LAMP1: variants seen among roughly 807,000 people sequenced by gnomAD.
The protein encoded by LAMP1 is lysosome-associated membrane glycoprotein 1.
A neutral mutation model predicts 37.5 loss-of-function variants in LAMP1; 7 were observed. The observed-to-expected ratio is 0.19, with a 90% confidence interval of 0.11 to 0.35. The LOEUF is 0.35. LAMP1 is among the 10% of genes least tolerant of loss of function. The pLI is 1.00. For missense variants in LAMP1, 537 were observed against 552.8 expected, an observed-to-expected ratio of 0.97 and a Z score of 0.29; for synonymous variants, 236 against 229.1, an observed-to-expected ratio of 1.03 and a Z score of -0.27.
chr13:113,321,037 T>C lies in LAMP1; in HGVS notation c.877-367T>C. ...TCTGCAAATAATAAAACGAGTTAGC[T>C]GGGCGTAGTGGCGCACACCTGTGGT... On this transcript the variant is annotated intron_variant, in intron 6 of 8. Transcript: ENST00000332556. The surrounding 1 kb of genome is among the most constrained non-coding windows in gnomAD (Gnocchi z 5.6). The C allele has an allele frequency of 3.4e-6, 1 of 293,148 alleles. No homozygotes were observed. Among genetic ancestry groups the C allele is most frequent in the East Asian group, 9.2e-5 (1 of 10,870 alleles). The allele number at this position is 293,148 out of a possible 1,614,324, so 18.2% of individuals were successfully genotyped here.
intron 1 of LAMP1, among the ~76,000 whole-genome samples, chr13:113,298,919 G>A (rs544621990): frequency 4.8e-4 from 73 of 152,350 alleles, no homozygotes; most frequent in Middle Eastern, 6.8e-3. Context: ...GAGGCAGATG[G>A]ATCATGGCGT....
chr13:113,305,273 A>C (rs562649106), intron 1 of LAMP1: 1 of 152,366 alleles, frequency 6.6e-6, no homozygotes, highest in South Asian at 2.1e-4. Flanking sequence ...GTGCTCACGC[A>C]GTGTGAGATC....
At chr13:113,316,215 G>A (rs766112416) in intron 4 of LAMP1, among the ~76,000 whole-genome samples, 12 of 152,312 alleles carry the variant, frequency 7.9e-5, no homozygotes, top group Middle Eastern at 3.4e-3. Context: ...TTCCAGCCCA[G>A]GCCCATATGG....
At chr13:113,302,665 C>T (rs2042580544) in intron 1 of LAMP1, among the ~76,000 whole-genome samples, 1 of 151,884 alleles carries the variant, frequency 6.6e-6, no homozygotes, top group African/African-American at 2.4e-5. Flanking sequence ...TAACCTCAAG[C>T]AGTCCTCCGC....
intron 4 of LAMP1, among the ~76,000 whole-genome samples, chr13:113,314,925 C>T: frequency 8.9e-6 from 1 of 112,482 alleles, no homozygotes; most frequent in Non-Finnish European, 1.8e-5. Context: ...TGCCCGTGTG[C>T]CTGGGGCATG....
At position 113,321,685 on chromosome 13, in the gene LAMP1, T is replaced by C. The variant is rs2042701315; in HGVS notation, c.1072T>C (p.Trp358Arg). Residue 358 changes from tryptophan to arginine, a missense_variant, in exon 8 of 9, where the codon TGG (tryptophan) becomes CGG (arginine). Coordinates refer to ENST00000332556, the MANE Select transcript of LAMP1 (RefSeq NM_005561.4). This position sits in a 1 kb window ranked among gnomAD's most constrained non-coding sequence, Gnocchi z 5.6. ...KAFSVNIFKV[W>R]VQAFKVEGGQ... The stretch of plus-strand genomic sequence containing the variant: ...GTTTTCAGTCAATATATTCAAAGTG[T>C]GGGTCCAGGCTTTCAAGGTGGAAGG... The C allele has an allele frequency of 1.2e-6, 2 of 1,614,154 alleles. No individual in the cohort carries two copies. Among genetic ancestry groups the C allele is most frequent in the Non-Finnish European group, 1.7e-6 (2 of 1,180,026 alleles).
intron 5 of LAMP1, 88 bp downstream of exon 5, chr13:113,319,744 C>A: frequency 8.0e-7 from 1 of 1,254,362 alleles, no homozygotes; most frequent in Non-Finnish European, 1.1e-6. Flanking sequence ...CGCGTCTCTG[C>A]ACGTCATGCT....
chr13:113,304,075 A>G (rs1195698214), intron 1 of LAMP1, among the ~76,000 whole-genome samples: 1 of 152,228 alleles, frequency 6.6e-6, no homozygotes, highest in Non-Finnish European at 1.5e-5. Context: ...AAAAATAAAA[A>G]TAAAAAAGCT....
intron 1 of LAMP1, among the ~76,000 whole-genome samples, chr13:113,301,312 T>C (rs1350766278): frequency 6.6e-6 from 1 of 151,788 alleles, no homozygotes; most frequent in East Asian, 1.9e-4. Context: ...CCAGTGTCTC[T>C]ACAAAAAAAA....
intron 1 of LAMP1, among the ~76,000 whole-genome samples, chr13:113,302,933 G>C (rs1368866110): frequency 6.6e-6 from 1 of 152,230 alleles, no homozygotes; most frequent in African/African-American, 2.4e-5. Flanking sequence ...ACTGGGATGT[G>C]CTTAGAGCAG....
In LAMP1 at chr13:113,310,870, A is replaced by G; in HGVS notation, c.562+3A>G. ...CAACAGCAGCTTCAGCCGGGGAGGT[A>G]GGACGCTGACCCTTGGCCCTCTGGT... On this transcript the variant is annotated splice_donor_region_variant and intron_variant, in intron 4 of 8. Transcript: ENST00000332556. 1 of 1,612,742 alleles carries G rather than the reference A, an allele frequency of 6.2e-7. No homozygotes were observed. The highest frequency in any genetic ancestry group is 8.5e-7 in the Non-Finnish European group (1 of 1,179,412).
At chr13:113,318,568 G>A (rs2042679208) in intron 4 of LAMP1, among the ~76,000 whole-genome samples, 1 of 152,158 alleles carries the variant, frequency 6.6e-6, no homozygotes, top group Non-Finnish European at 1.5e-5. Context: ...GCTCTACCTA[G>A]GGTTCAGTCT....
At chr13:113,312,573 T>C (rs1196712643) in intron 4 of LAMP1, among the ~76,000 whole-genome samples, 3 of 152,118 alleles carry the variant, frequency 2.0e-5, no homozygotes, top group Non-Finnish European at 4.4e-5. Flanking sequence ...TGGGCTCCCA[T>C]AGGGGAGGCT....
chr13:113,320,497 G>A lies in LAMP1; in HGVS notation c.876+27G>A, dbSNP rs1426853600. The A allele has an allele frequency of 1.3e-6, 2 of 1,598,920 alleles. No homozygotes were observed. Among genetic ancestry groups the A allele is most frequent in the South Asian group, 1.1e-5 (1 of 90,992 alleles). On this transcript the variant is annotated intron_variant, in intron 6 of 8. Transcript: ENST00000332556. The surrounding 1 kb of genome is among the most constrained non-coding windows in gnomAD (Gnocchi z 4.4). Reference sequence around the variant, plus strand: ...TGAGGCTGGGGCGGCACCTCTCTGGGGGCGCCCACTGTGTCTCCACCACAT... The same window carrying A: ...TGAGGCTGGGGCGGCACCTCTCTGGAGGCGCCCACTGTGTCTCCACCACAT...
chr13:113,306,834 CTTTTTTTTTT>C (rs780041684), intron 2 of LAMP1, among the ~76,000 whole-genome samples: 6 of 80,142 alleles, frequency 7.5e-5, no homozygotes, highest in African/African-American at 1.9e-4. Flanking sequence ...GAACATTTTC[CTTTTTTTTTT>C]TTTTTTTTTT....
intron 2 of LAMP1, among the ~76,000 whole-genome samples, chr13:113,307,664 G>A (rs1016789313): frequency 3.3e-5 from 5 of 151,988 alleles, no homozygotes; most frequent in Non-Finnish European, 7.4e-5. Context: ...TGCAAACACT[G>A]TACTAGTTTG....
intron 2 of LAMP1, among the ~76,000 whole-genome samples, chr13:113,306,844 T>A (rs946232036): frequency 6.0e-5 from 7 of 116,906 alleles, no homozygotes; most frequent in African/African-American, 2.1e-4. Context: ...CTTTTTTTTT[T>A]TTTTTTTTTT....
chr13:113,300,658 T>G (rs2042566316), intron 1 of LAMP1, among the ~76,000 whole-genome samples: 1 of 151,056 alleles, frequency 6.6e-6, no homozygotes, highest in South Asian at 2.1e-4. Context: ...TTTAAAAATA[T>G]TTTTAAAAAG....
chr13:113,318,862 G>T (rs186222201), intron 4 of LAMP1, among the ~76,000 whole-genome samples: 289 of 152,218 alleles, frequency 1.9e-3, no homozygotes, highest in African/African-American at 6.7e-3. Context: ...CTGCTCACAC[G>T]TGGGGTCCTC....
Sources: allele counts gnomAD v4.1 joint callset (sites outside exome capture counted in the v4.1 genomes callset), GRCh38; gene constraint gnomAD v4.1.1; non-coding constraint Gnocchi (gnomAD v3.1); transcripts MANE v1.5; gene names NCBI Gene and HGNC (gene_info 2026-07-23, HGNC 2026-07-21).